The following GTF3C4 variants were observed in gnomAD, a reference collection of about 807,000 sequenced individuals.
GTF3C4 encodes general transcription factor 3C polypeptide 4.
In GTF3C4, 28 loss-of-function variants were observed where a neutral mutation model predicts 67.5. That is an observed-to-expected ratio of 0.41 (90% CI 0.31 to 0.57). The LOEUF (loss-of-function observed/expected upper bound fraction) is 0.57, where lower values mean the gene tolerates loss of function less well. Among genes scored for constraint, GTF3C4 ranks in the 20% least tolerant of loss-of-function variants. GTF3C4 has a pLI of 0.21. For synonymous variants in GTF3C4, 409 were observed against 393.0 expected (o/e 1.04, Z -0.48); for missense variants, 831 against 1,033.2 (o/e 0.80, Z 2.68).
At position 132,691,864 on chromosome 9, in the gene GTF3C4, T is replaced by C. The variant is rs553004034; in HGVS notation, c.*2919T>C. On this transcript the variant is annotated 3_prime_UTR_variant, in exon 5 of 5. Transcript: ENST00000372146. ...AATGTTGAAGTATGCAGGCTGGACC[T>C]ACCAGCAAGTTTAACACGTTAATTA... The C allele has an allele frequency of 6.6e-6, 1 of 152,346 alleles. No individual in the cohort carries two copies. The highest frequency in any genetic ancestry group is 1.5e-5 in the Non-Finnish European group (1 of 68,024). 9.4% of individuals were successfully genotyped at this position (152,346 alleles called of 1,614,324 possible).
Position 132,678,322 on chromosome 9 carries a change from G to C in GTF3C4, c.703G>C (p.Asp235His). ...TGAGGCCCCGGAAGGAAATCTCGGGGATTTTGCTGAGTTTCAGAGGAGACA... is the reference window on the plus strand; with the variant it reads ...TGAGGCCCCGGAAGGAAATCTCGGGCATTTTGCTGAGTTTCAGAGGAGACA... ...KNEAPEGNLG[D>H]FAEFQRRHSM... Residue 235 changes from aspartate (D) to histidine (H), a missense_variant, in exon 2 of 5, where the codon GAT (aspartate) becomes CAT (histidine). Transcript: ENST00000372146. The surrounding 1 kb of genome is among the most constrained non-coding windows in gnomAD (Gnocchi z 6.5). 6.2e-7 allele frequency: 1 copy of C among 1,614,208 alleles called. No homozygotes were observed. Among genetic ancestry groups the C allele is most frequent in the South Asian group, 1.1e-5 (1 of 91,084 alleles).
chr9:132,685,936 C>T (rs111800816), intron 3 of GTF3C4, among the ~76,000 whole-genome samples: 1,538 of 152,178 alleles, frequency 0.01, 20 homozygotes, highest in African/African-American at 0.034. Context: ...TGGGGAAAAC[C>T]CTGACGAATA....
intron 1 of GTF3C4, among the ~76,000 whole-genome samples, chr9:132,671,581 A>G (rs770878881): frequency 6.6e-6 from 1 of 152,236 alleles, no homozygotes; most frequent in Non-Finnish European, 1.5e-5. Flanking sequence ...GAATGAAAAT[A>G]AAGATTCGAA....
intron 1 of GTF3C4, among the ~76,000 whole-genome samples, chr9:132,674,856 C>T (rs1043209580): frequency 2.0e-5 from 3 of 152,188 alleles, no homozygotes; most frequent in Non-Finnish European, 1.5e-5. Flanking sequence ...AGAGAGAGAC[C>T]GCATCTCTAC....
intron 2 of GTF3C4, among the ~76,000 whole-genome samples, chr9:132,681,384 A>G (rs1021797512): frequency 1.3e-5 from 2 of 152,198 alleles, no homozygotes; most frequent in African/African-American, 2.4e-5. Flanking sequence ...GTTTATAGCA[A>G]CTGAGTTTAT....
In GTF3C4 at chr9:132,679,899, C is replaced by T. The variant is rs1564356229; in HGVS notation, c.2184+96C>T. On this transcript the variant is annotated intron_variant, in intron 2 of 4. Coordinates refer to ENST00000372146, the MANE Select transcript of GTF3C4 (RefSeq NM_012204.4). The surrounding 1 kb of genome is among the most constrained non-coding windows in gnomAD (Gnocchi z 5.9). Reference sequence around the variant, plus strand: ...TTGAGTTCCTGAAGCTCAACTTTTGCTTTGACATTTTTTAGGTAATTTATT... The same window carrying T: ...TTGAGTTCCTGAAGCTCAACTTTTGTTTTGACATTTTTTAGGTAATTTATT... 7.5e-6 allele frequency: 9 copies of T among 1,201,522 alleles called. No homozygotes were observed. 74.4% of individuals were successfully genotyped at this position (1,201,522 alleles called of 1,614,324 possible).
chr9:132,680,836 C>T (rs1006500292), intron 2 of GTF3C4, among the ~76,000 whole-genome samples: 2 of 152,178 alleles, frequency 1.3e-5, no homozygotes, highest in African/African-American at 4.8e-5. Flanking sequence ...TGGGGCTGGG[C>T]GTGGTGGCTC....
In GTF3C4 at chr9:132,687,219, T is replaced by C. The variant is rs890038089; in HGVS notation, c.2316-20T>C. 17 of 1,408,756 alleles carry C rather than the reference T, an allele frequency of 1.2e-5. No individual in the cohort carries two copies. In the Admixed American group the frequency reaches 2.5e-4, roughly 21 times the overall value. The allele number at this position is 1,408,756 out of a possible 1,614,324, so 87.3% of individuals were successfully genotyped here. A position where few individuals can be genotyped will look rare whatever the true frequency, so the allele number is the denominator to read the frequency against. ...TAGAGCAAACCCTCTCCCTTGCCAATACAGTCTGTCTTCTTTCAGGTGCTT... is the reference window on the plus strand; with the variant it reads ...TAGAGCAAACCCTCTCCCTTGCCAACACAGTCTGTCTTCTTTCAGGTGCTT... On this transcript the variant is annotated intron_variant, in intron 3 of 4. Coordinates refer to ENST00000372146, the MANE Select transcript of GTF3C4 (RefSeq NM_012204.4).
intron 1 of GTF3C4, among the ~76,000 whole-genome samples, chr9:132,676,900 A>T (rs1835871911): frequency 6.6e-6 from 1 of 152,242 alleles, no homozygotes; most frequent in Non-Finnish European, 1.5e-5. Context: ...ACACTAAAAA[A>T]TAATTGAAGC....
rs1835915314 is a variant in GTF3C4 at position 132,679,833 on chromosome 9, T to C, written c.2184+30T>C. On this transcript the variant is annotated intron_variant, in intron 2 of 4. Transcript: ENST00000372146. The surrounding 1 kb of genome is among the most constrained non-coding windows in gnomAD (Gnocchi z 5.9). ...GTGTTTATTAACAAAAACTCTGAAATTGTAAAGCCTGCTTTCTTCATGAGA... is the reference window on the plus strand; with the variant it reads ...GTGTTTATTAACAAAAACTCTGAAACTGTAAAGCCTGCTTTCTTCATGAGA... 1 of 1,528,218 alleles carries C rather than the reference T, an allele frequency of 6.5e-7. No homozygotes were observed. The highest frequency in any genetic ancestry group is 8.8e-7 in the Non-Finnish European group (1 of 1,134,056). The allele number at this position is 1,528,218 out of a possible 1,614,324, so 94.7% of individuals were successfully genotyped here. A position where few individuals can be genotyped will look rare whatever the true frequency, so the allele number is the denominator to read the frequency against.
chr9:132,692,985 T>C lies in GTF3C4; in HGVS notation c.*4040T>C, dbSNP rs1836141613. The C allele has an allele frequency of 6.6e-6, 1 of 152,232 alleles. No individual in the cohort carries two copies. Among genetic ancestry groups the C allele is most frequent in the Admixed American group, 6.5e-5 (1 of 15,288 alleles). 9.4% of individuals were successfully genotyped at this position (152,232 alleles called of 1,614,324 possible). A position where few individuals can be genotyped will look rare whatever the true frequency, so the allele number is the denominator to read the frequency against. ...TAGTATAGAGCATGTGAAATGCAAC[T>C]GTCCTTTAATGGAATTCAGCCAAAC... On this transcript the variant is annotated 3_prime_UTR_variant, in exon 5 of 5. Coordinates refer to ENST00000372146, the MANE Select transcript of GTF3C4 (RefSeq NM_012204.4).
intron 2 of GTF3C4, among the ~76,000 whole-genome samples, chr9:132,682,729 T>A (rs1444892677): frequency 6.6e-6 from 1 of 151,284 alleles, no homozygotes; most frequent in South Asian, 2.1e-4. Flanking sequence ...CTCAGCCTCC[T>A]GAGTAGCTGG....
chr9:132,677,841 A>T lies in GTF3C4; in HGVS notation c.358-136A>T, dbSNP rs939963672. On this transcript the variant is annotated intron_variant, in intron 1 of 4. Transcript: ENST00000372146. The stretch of plus-strand genomic sequence containing the variant: ...CTGTTGAATCTTAAGAATCAAGTAC[A>T]TCTCTCTTGCATATATTAATTCTAA... 9 of 708,444 alleles carry T rather than the reference A, an allele frequency of 1.3e-5. No individual in the cohort carries two copies. The African/African-American group carries it at 1.6e-4, about 13-fold the overall frequency. 43.9% of individuals were successfully genotyped at this position (708,444 alleles called of 1,614,324 possible).
rs1427705597 is a variant in GTF3C4, at chr9:132,691,269, T to G, written c.*2324T>G. 1.3e-5 allele frequency: 2 copies of G among 152,244 alleles called. No individual in the cohort carries two copies. Among genetic ancestry groups the G allele is most frequent in the African/African-American group, 4.8e-5 (2 of 41,454 alleles). 9.4% of individuals were successfully genotyped at this position (152,244 alleles called of 1,614,324 possible). A position where few individuals can be genotyped will look rare whatever the true frequency, so the allele number is the denominator to read the frequency against. On this transcript the variant is annotated 3_prime_UTR_variant, in exon 5 of 5. Coordinates refer to ENST00000372146, the MANE Select transcript of GTF3C4 (RefSeq NM_012204.4). ...CACAAATAGTGCTTCTGAATTTCTC[T>G]GAGGGTCAGCATACCTCATGGGAGT...
At chr9:132,677,592 T>A (rs1161560836) in intron 1 of GTF3C4, among the ~76,000 whole-genome samples, 4 of 152,204 alleles carry the variant, frequency 2.6e-5, no homozygotes, top group African/African-American at 9.7e-5. Flanking sequence ...ATAGTCTGAT[T>A]AGAGTGAACA....
In GTF3C4 at chr9:132,693,140, G is replaced by C. The variant is rs1836143812; in HGVS notation, c.*4195G>C. On this transcript the variant is annotated 3_prime_UTR_variant, in exon 5 of 5. Coordinates refer to ENST00000372146, the MANE Select transcript of GTF3C4 (RefSeq NM_012204.4). Reference sequence around the variant, plus strand: ...CAGATACAAATCATCGTCAGGACTTGTTAGCCAGTCCATGTCTCATTGATA... The same window carrying C: ...CAGATACAAATCATCGTCAGGACTTCTTAGCCAGTCCATGTCTCATTGATA... 2.0e-5 allele frequency: 3 copies of C among 152,198 alleles called. No homozygotes were observed. The highest frequency in any genetic ancestry group is 7.2e-5 in the African/African-American group (3 of 41,446). The allele number at this position is 152,198 out of a possible 1,614,324, so 9.4% of individuals were successfully genotyped here.
At chr9:132,670,375 C>CG, upstream of GTF3C4, 4 of 1,224,278 alleles carry the variant, frequency 3.3e-6, no homozygotes, top group Non-Finnish European at 4.3e-6. Context: ...AGGGGGTCCT[C>CG]GGGGCTCCCC....
chr9:132,677,318 C>T (rs1805501805), intron 1 of GTF3C4, among the ~76,000 whole-genome samples: 1 of 152,192 alleles, frequency 6.6e-6, no homozygotes, highest in South Asian at 2.1e-4. Flanking sequence ...AGGATAATCA[C>T]TTGAACCCTG....
intron 2 of GTF3C4, among the ~76,000 whole-genome samples, chr9:132,681,966 T>TAAAAAAAAAA (rs56402111): frequency 7.8e-5 from 9 of 114,696 alleles, no homozygotes; most frequent in Middle Eastern, 4.8e-3. Context: ...CTACATAAAG[T>TAAAAAAAAAA]AAAAAAAAAA....
Sources: allele counts gnomAD v4.1 joint callset (sites outside exome capture counted in the v4.1 genomes callset), GRCh38; gene constraint gnomAD v4.1.1; non-coding constraint Gnocchi (gnomAD v3.1); transcripts MANE v1.5; gene names NCBI Gene and HGNC (gene_info 2026-07-23, HGNC 2026-07-21).